Variants in ZNF804B observed in about 807,000 individuals in gnomAD.
The protein encoded by ZNF804B is zinc finger 804B.
Under a neutral mutation model 101.4 loss-of-function variants are expected in ZNF804B, and 80 were observed. The observed-to-expected ratio is 0.79, with a 90% CI of 0.66 to 0.95. The LOEUF (loss-of-function observed/expected upper bound fraction) is 0.95. ZNF804B is among the 40% of genes least tolerant of loss of function. ZNF804B has a pLI of 0.00. For synonymous variants in ZNF804B, 622 were observed against 558.8 expected, an observed-to-expected ratio of 1.11 and a Z score of -1.59; for missense variants, 1,673 against 1,561.9, an observed-to-expected ratio of 1.07 and a Z score of -1.20.
At chr7:89,309,265 G>A (rs188981444) in intron 2 of ZNF804B, among the ~76,000 whole-genome samples, 447 of 152,178 alleles carry the variant, frequency 2.9e-3, no homozygotes, top group Non-Finnish European at 4.1e-3. Context: ...CTGTTTCTGC[G>A]TTAATTCACT....
At chr7:88,816,276 G>C (rs1345447713) in intron 1 of ZNF804B, among the ~76,000 whole-genome samples, 1 of 152,004 alleles carries the variant, frequency 6.6e-6, no homozygotes, top group African/African-American at 2.4e-5. Flanking sequence ...AACCATAAAA[G>C]CTGCAGAAGA....
intron 2 of ZNF804B, among the ~76,000 whole-genome samples, chr7:89,226,678 G>A (rs1789094488): frequency 6.6e-6 from 1 of 151,830 alleles, no homozygotes; most frequent in African/African-American, 2.4e-5. Context: ...TATCTCATAA[G>A]TCCATAGAGA....
intron 1 of ZNF804B, among the ~76,000 whole-genome samples, chr7:88,868,243 C>G (rs1164872713): frequency 2.0e-5 from 3 of 151,992 alleles, no homozygotes; most frequent in Non-Finnish European, 4.4e-5. Flanking sequence ...TCCTTCTATC[C>G]CTTATTTGGA....
At chr7:88,991,574 G>T (rs1793847162) in intron 1 of ZNF804B, among the ~76,000 whole-genome samples, 1 of 152,132 alleles carries the variant, frequency 6.6e-6, no homozygotes, top group Non-Finnish European at 1.5e-5. Context: ...GAAAATCCAG[G>T]AATCTAACCT....
chr7:88,994,013 G>T (rs1245426353), intron 1 of ZNF804B, among the ~76,000 whole-genome samples: 6 of 151,800 alleles, frequency 4.0e-5, no homozygotes, highest in Non-Finnish European at 8.8e-5. Flanking sequence ...ACTTAATATT[G>T]TAACAAGTAT....
intron 1 of ZNF804B, among the ~76,000 whole-genome samples, chr7:89,070,540 T>A (rs1251962082): frequency 2.0e-5 from 3 of 152,186 alleles, no homozygotes; most frequent in Non-Finnish European, 2.9e-5. Flanking sequence ...CTGTGTGAGC[T>A]GAGAGCAAGT....
chr7:89,277,407 C>A (rs1789999571), intron 2 of ZNF804B, among the ~76,000 whole-genome samples: 1 of 143,858 alleles, frequency 7.0e-6, no homozygotes, highest in African/African-American at 2.6e-5. Context: ...ATACATGTGA[C>A]ATGCTGGTGC....
At chr7:89,263,865 T>G (rs539821928) in intron 2 of ZNF804B, among the ~76,000 whole-genome samples, 1 of 152,318 alleles carries the variant, frequency 6.6e-6, no homozygotes, top group East Asian at 1.9e-4. Context: ...GCTGACATTT[T>G]GATTTTGGAC....
intron 2 of ZNF804B, among the ~76,000 whole-genome samples, chr7:89,285,653 GA>G (rs1044905901): frequency 2.8e-4 from 41 of 145,360 alleles, no homozygotes; most frequent in African/African-American, 1.0e-3. Flanking sequence ...CCCTATTTTA[GA>G]AAAAAAAAGC....
chr7:89,328,403 A>G (rs958673106), intron 3 of ZNF804B, among the ~76,000 whole-genome samples: 1 of 151,958 alleles, frequency 6.6e-6, no homozygotes, highest in African/African-American at 2.4e-5. Context: ...TACATAAAAG[A>G]TAATCATATT....
intron 1 of ZNF804B, chr7:88,794,625 A>T (rs764751270): frequency 1.9e-6 from 3 of 1,613,642 alleles, no homozygotes; most frequent in Non-Finnish European, 2.5e-6. Flanking sequence ...CTTTGTAGAG[A>T]GTGTCGCTGG....
Position 89,335,264 on chromosome 7 carries a change from A to G in ZNF804B, c.2282A>G (p.Asn761Ser). The G allele has an allele frequency of 6.2e-7, 1 of 1,613,816 alleles. No individual in the cohort carries two copies. The highest frequency in any genetic ancestry group is 1.1e-5 in the South Asian group (1 of 91,082). ...CACAAACGGAAATGTCTAAAGCACA[A>G]CTGCTTCTACTTGTCTGATGATATA... ...ERHKRKCLKH[N>S]CFYLSDDITK... Residue 761 changes from asparagine to serine, a missense_variant, in exon 4 of 4, where the codon AAC becomes AGC. Physicochemically the swap from Asn to Ser is conservative, Grantham distance 46. Transcript: ENST00000333190.
At chr7:88,772,272 T>C (rs1790081791) in intron 1 of ZNF804B, among the ~76,000 whole-genome samples, 1 of 152,172 alleles carries the variant, frequency 6.6e-6, no homozygotes, top group South Asian at 2.1e-4. Flanking sequence ...ATTTGTGAAA[T>C]TGTGTTACAA....
intron 1 of ZNF804B, among the ~76,000 whole-genome samples, chr7:89,185,558 C>T (rs1788363096): frequency 6.6e-6 from 1 of 152,078 alleles, no homozygotes; most frequent in South Asian, 2.1e-4. Flanking sequence ...ACTAAAACGA[C>T]GTATTGAAAA....
intron 1 of ZNF804B, among the ~76,000 whole-genome samples, chr7:88,973,825 A>G (rs947337745): frequency 7.3e-5 from 11 of 151,442 alleles, no homozygotes; most frequent in African/African-American, 2.7e-4. Flanking sequence ...ATAGCTGTTT[A>G]TGTATTAAAT....
At chr7:89,109,373 T>A (rs1790180591) in intron 1 of ZNF804B, among the ~76,000 whole-genome samples, 1 of 152,174 alleles carries the variant, frequency 6.6e-6, no homozygotes, top group South Asian at 2.1e-4. Context: ...AAATTTTATA[T>A]CATGATGTTA....
At chr7:88,877,040 TA>T (rs1791959382) in intron 1 of ZNF804B, among the ~76,000 whole-genome samples, 2 of 49,480 alleles carry the variant, frequency 4.0e-5, no homozygotes, top group Non-Finnish European at 7.7e-5. Context: ...TATATATATA[TA>T]TATATATATT....
chr7:89,037,316 T>G (rs1030057819), intron 1 of ZNF804B, among the ~76,000 whole-genome samples: 1 of 152,062 alleles, frequency 6.6e-6, no homozygotes, highest in Non-Finnish European at 1.5e-5. Flanking sequence ...TAATTGCTGC[T>G]TTTAGTTGTG....
chr7:89,013,219 G>C (rs1788491601), intron 1 of ZNF804B, among the ~76,000 whole-genome samples: 1 of 152,168 alleles, frequency 6.6e-6, no homozygotes, highest in African/African-American at 2.4e-5. Flanking sequence ...TGTCCTGAAA[G>C]TGGTAAGATT....
Sources: allele counts gnomAD v4.1 joint callset (sites outside exome capture counted in the v4.1 genomes callset), GRCh38; gene constraint gnomAD v4.1.1; transcripts MANE v1.5; gene names NCBI Gene and HGNC (gene_info 2026-07-23, HGNC 2026-07-21).